The following PRKAG2 variants were observed in gnomAD, a reference collection of about 807,000 sequenced individuals.
The protein encoded by PRKAG2 is 5'-AMP-activated protein kinase subunit gamma-2.
Under a neutral mutation model 69.6 loss-of-function variants are expected in PRKAG2, and 26 were observed. The ratio of observed to expected loss-of-function variants is 0.37; its 90% confidence interval spans 0.27 to 0.52. The LOEUF (loss-of-function observed/expected upper bound fraction) is 0.52. PRKAG2 is among the 20% of genes least tolerant of loss of function. The pLI is 0.90. For synonymous variants in PRKAG2, 293 were observed against 285.0 expected, an observed-to-expected ratio of 1.03 and a Z score of -0.28; for missense variants, 557 against 740.0, an observed-to-expected ratio of 0.75 and a Z score of 2.87.
At chr7:151,685,859 T>C (rs1303745710) in intron 3 of PRKAG2, among the ~76,000 whole-genome samples, 1 of 152,092 alleles carries the variant, frequency 6.6e-6, no homozygotes, top group Non-Finnish European at 1.5e-5. Context: ...TTTTTAAAAG[T>C]AACTTCTCAG....
chr7:151,557,996 T>G, intron 15 of PRKAG2: 1 of 984,986 alleles, frequency 1.0e-6, no homozygotes, highest in Non-Finnish European at 1.2e-6. Flanking sequence ...GAGCTACTAT[T>G]TTTCTCATCA....
At chr7:151,570,776 C>T (rs533620431) in intron 9 of PRKAG2, among the ~76,000 whole-genome samples, 54 of 151,320 alleles carry the variant, frequency 3.6e-4, no homozygotes, top group Middle Eastern at 6.9e-3. Flanking sequence ...TCCAAGGTTT[C>T]TTTTTTTTTC....
chr7:151,832,598 G>GGC (rs1554614854), intron 1 of PRKAG2, among the ~76,000 whole-genome samples: 14 of 151,454 alleles, frequency 9.2e-5, no homozygotes, highest in Admixed American at 6.6e-4. Flanking sequence ...GCATCTCTGG[G>GGC]GGGGGGGTCC....
chr7:151,848,740 G>A (rs1006377625), intron 1 of PRKAG2, among the ~76,000 whole-genome samples: 1 of 151,884 alleles, frequency 6.6e-6, no homozygotes, highest in African/African-American at 2.4e-5. Flanking sequence ...GGCCAGGCTG[G>A]TCTCAAACTC....
intron 1 of PRKAG2, among the ~76,000 whole-genome samples, chr7:151,793,229 C>T (rs2077347002): frequency 6.6e-6 from 1 of 152,184 alleles, no homozygotes; most frequent in Non-Finnish European, 1.5e-5. Flanking sequence ...ACCAAAGACT[C>T]TCCACTGCTC....
intron 4 of PRKAG2, among the ~76,000 whole-genome samples, chr7:151,639,833 T>C (rs73479896): frequency 0.015 from 2,301 of 152,248 alleles, 55 homozygotes; most frequent in African/African-American, 0.053. Context: ...CTTCTCAGCC[T>C]CCATAATCCC....
intron 3 of PRKAG2, among the ~76,000 whole-genome samples, chr7:151,696,050 T>C (rs2151547495): frequency 6.6e-6 from 1 of 152,226 alleles, no homozygotes. Flanking sequence ...CCAGCTAGAA[T>C]CGCCAACACA....
chr7:151,801,451 G>A (rs949299032), intron 1 of PRKAG2, among the ~76,000 whole-genome samples: 5 of 152,188 alleles, frequency 3.3e-5, no homozygotes, highest in Non-Finnish European at 4.4e-5. Flanking sequence ...CAAGTACAGA[G>A]GGCTCCAGAT....
intron 3 of PRKAG2, among the ~76,000 whole-genome samples, 153 bp from the exon 4 acceptor site, chr7:151,675,790 T>A (rs751037984): frequency 2.7e-4 from 41 of 151,816 alleles, no homozygotes; most frequent in Non-Finnish European, 2.8e-4. Flanking sequence ...AGGTCCGGCC[T>A]CCAGGAAGGG....
intron 6 of PRKAG2, among the ~76,000 whole-genome samples, chr7:151,587,215 A>G (rs924099719): frequency 4.6e-5 from 7 of 152,222 alleles, no homozygotes; most frequent in African/African-American, 1.7e-4. Flanking sequence ...ATTATTCAAA[A>G]TCACATTGCC....
intron 15 of PRKAG2, chr7:151,557,676 C>G (rs771281883): frequency 1.4e-5 from 8 of 579,410 alleles, no homozygotes; most frequent in Non-Finnish European, 1.7e-5. Context: ...TCAAGACCAG[C>G]CTGGCCAACA....
intron 3 of PRKAG2, among the ~76,000 whole-genome samples, chr7:151,757,941 A>T (rs980382477): frequency 1.3e-5 from 2 of 152,214 alleles, no homozygotes; most frequent in African/African-American, 4.8e-5. Flanking sequence ...GGCTGCAGTC[A>T]AAACGTTTTC....
intron 7 of PRKAG2, among the ~76,000 whole-genome samples, chr7:151,575,896 C>CAAA (rs397769419): frequency 3.1e-5 from 2 of 63,518 alleles, no homozygotes; most frequent in African/African-American, 1.0e-4. Context: ...AATGAGGCGG[C>CAAA]AAAAAAAAAA....
At chr7:151,737,767 G>A (rs1296509162) in intron 3 of PRKAG2, among the ~76,000 whole-genome samples, 1 of 152,192 alleles carries the variant, frequency 6.6e-6, no homozygotes, top group Non-Finnish European at 1.5e-5. Context: ...CACTGCAGAT[G>A]CCTGATGAGA....
At chr7:151,617,738 A>C (rs1449205883) in intron 5 of PRKAG2, among the ~76,000 whole-genome samples, 4 of 152,154 alleles carry the variant, frequency 2.6e-5, no homozygotes, top group Non-Finnish European at 5.9e-5. Flanking sequence ...ATGCATTTTA[A>C]AACAAAATTT....
intron 4 of PRKAG2, among the ~76,000 whole-genome samples, chr7:151,654,179 A>C (rs1006355877): frequency 2.0e-5 from 3 of 152,152 alleles, no homozygotes; most frequent in Non-Finnish European, 4.4e-5. Flanking sequence ...AGATATGCCA[A>C]CCAGGAAAGC....
intron 3 of PRKAG2, among the ~76,000 whole-genome samples, chr7:151,696,447 A>G (rs1194733829): frequency 6.6e-6 from 1 of 152,180 alleles, no homozygotes; most frequent in Admixed American, 6.5e-5. Flanking sequence ...CAGGTGAGGA[A>G]GTGAGCGCTT....
chr7:151,562,073 C>T (rs1392848906), intron 14 of PRKAG2, among the ~76,000 whole-genome samples: 4 of 150,650 alleles, frequency 2.7e-5, no homozygotes, highest in East Asian at 2.0e-4. Flanking sequence ...GGTGAAACCC[C>T]GTCTCTACCA....
chr7:151,876,839 T>C lies in PRKAG2; in HGVS notation c.-219A>G, dbSNP rs2151920738. ...AGCGTCCTTTCCTACGGAACCCTCGTAGGCAAATCAGTCAAAGCCCGTCCC... is the reference window on the plus strand; with the variant it reads ...AGCGTCCTTTCCTACGGAACCCTCGCAGGCAAATCAGTCAAAGCCCGTCCC... On this transcript the variant is annotated 5_prime_UTR_variant, in exon 1 of 16. Transcript: ENST00000287878. 1.5e-5 allele frequency: 9 copies of C among 604,962 alleles called. No individual in the cohort carries two copies. In the East Asian group the frequency reaches 2.6e-4, roughly 17 times the overall value. The allele number at this position is 604,962 out of a possible 1,614,324, so 37.5% of individuals were successfully genotyped here.
Sources: allele counts gnomAD v4.1 joint callset (sites outside exome capture counted in the v4.1 genomes callset), GRCh38; gene constraint gnomAD v4.1.1; transcripts MANE v1.5; gene names NCBI Gene and HGNC (gene_info 2026-07-23, HGNC 2026-07-21).